The following PACRG variants were observed in gnomAD, a reference collection of about 807,000 sequenced individuals.
PACRG encodes parkin coregulated gene protein.
Under a neutral mutation model 29.7 loss-of-function variants are expected in PACRG, and 29 were observed. That is an observed-to-expected ratio of 0.98 (90% confidence interval 0.73 to 1.33). The LOEUF is 1.33. Ranked by LOEUF, PACRG falls within the 40% of genes most tolerant of loss-of-function variation. The pLI, the probability that PACRG is intolerant of heterozygous loss-of-function variation, is 0.00. For synonymous variants in PACRG, 116 were observed against 118.7 expected, an observed-to-expected ratio of 0.98 and a Z score of 0.15; for missense variants, 279 against 316.2, an observed-to-expected ratio of 0.88 and a Z score of 0.89.
intron 4 of PACRG, chr6:163,310,661 C>G (rs1260198579): frequency 6.6e-6 from 1 of 152,220 alleles, no homozygotes; most frequent in Non-Finnish European, 1.5e-5. Context: ...CGATTTTTTC[C>G]TTTCTCCTGT....
intron 4 of PACRG, among the ~76,000 whole-genome samples, chr6:163,114,599 A>T (rs116956349): frequency 1.3e-5 from 2 of 152,208 alleles, no homozygotes; most frequent in Non-Finnish European, 2.9e-5. Flanking sequence ...AATAAGCCAG[A>T]CACAGAAAGA....
chr6:162,943,358 T>C (rs1447097173), intron 2 of PACRG, among the ~76,000 whole-genome samples: 2 of 152,164 alleles, frequency 1.3e-5, no homozygotes, highest in African/African-American at 4.8e-5. Flanking sequence ...CACCAGCCCT[T>C]GGCAGCACTC....
chr6:163,071,189 A>G (rs1420428067), intron 3 of PACRG, among the ~76,000 whole-genome samples: 1 of 152,132 alleles, frequency 6.6e-6, no homozygotes. Context: ...CTATAGACCA[A>G]ATGAATCTAG....
intron 2 of PACRG, among the ~76,000 whole-genome samples, chr6:162,858,531 G>A (rs994762764): frequency 7.9e-5 from 12 of 152,284 alleles, no homozygotes; most frequent in South Asian, 2.1e-4. Context: ...CACAAGGTTC[G>A]TGGCTGAGAA....
intron 2 of PACRG, among the ~76,000 whole-genome samples, chr6:162,850,128 C>T (rs1790734654): frequency 6.6e-6 from 1 of 152,300 alleles, no homozygotes; most frequent in South Asian, 2.1e-4. Context: ...CAGATAATAT[C>T]TTTAATCAAG....
At chr6:163,133,397 GGAAGA>G (rs1442090210) in intron 4 of PACRG, among the ~76,000 whole-genome samples, 1 of 152,012 alleles carries the variant, frequency 6.6e-6, no homozygotes, top group East Asian at 1.9e-4. Context: ...TGTTTATCAT[GGAAGA>G]GAAGAATAAT....
rs193187622 is a variant in PACRG, at chr6:163,144,664, G to T, written c.613+55256G>T. 2.6e-4 allele frequency among the ~76,000 whole-genome samples: 40 copies of T among 152,234 alleles called. No individual in the cohort carries two copies. In the East Asian group the frequency reaches 7.5e-3, roughly 29 times the overall value. ...CATGCCTGTAATCCCAGCTACTCAGGAGGCTGAGGCATGAGAATCACTTGA... is the reference window on the plus strand; with the variant it reads ...CATGCCTGTAATCCCAGCTACTCAGTAGGCTGAGGCATGAGAATCACTTGA... On this transcript the variant is annotated intron_variant, in intron 4 of 4. Transcript: ENST00000366888.
At chr6:163,254,054 C>T (rs1394186713) in intron 4 of PACRG, among the ~76,000 whole-genome samples, 1 of 152,214 alleles carries the variant, frequency 6.6e-6, no homozygotes, top group Non-Finnish European at 1.5e-5. Context: ...GGGCCAGCCA[C>T]TTCTCCTGCT....
chr6:163,125,399 C>A (rs2128326890), intron 4 of PACRG, among the ~76,000 whole-genome samples: 1 of 152,298 alleles, frequency 6.6e-6, no homozygotes, highest in East Asian at 1.9e-4. Context: ...ATTGATGGGT[C>A]TGACTATATA....
intron 2 of PACRG, among the ~76,000 whole-genome samples, chr6:162,996,207 GA>G (rs1396666308): frequency 6.6e-6 from 1 of 152,092 alleles, no homozygotes. Context: ...TTATTAGGTT[GA>G]TTGTGGTGAT....
intron 2 of PACRG, among the ~76,000 whole-genome samples, chr6:162,974,800 A>T (rs548531116): frequency 1.3e-5 from 2 of 152,352 alleles, no homozygotes; most frequent in South Asian, 2.1e-4. Flanking sequence ...TGAATCATAG[A>T]AAGATTCGTC....
intron 4 of PACRG, among the ~76,000 whole-genome samples, chr6:163,241,757 A>G (rs1043571783): frequency 2.6e-5 from 4 of 152,212 alleles, no homozygotes; most frequent in Non-Finnish European, 5.9e-5. Context: ...GTTGAGAACC[A>G]TGAAGCGGGT....
At chr6:163,149,460 C>T (rs1237479594) in intron 4 of PACRG, among the ~76,000 whole-genome samples, 1 of 152,198 alleles carries the variant, frequency 6.6e-6, no homozygotes, top group Non-Finnish European at 1.5e-5. Flanking sequence ...GAGAACACGG[C>T]CTTGTGATGA....
At chr6:163,268,860 G>T (rs1313754955) in intron 4 of PACRG, among the ~76,000 whole-genome samples, 1 of 152,140 alleles carries the variant, frequency 6.6e-6, no homozygotes, top group Non-Finnish European at 1.5e-5. Context: ...CATGGACCCC[G>T]TGTGCTGCTG....
intron 1 of PACRG, among the ~76,000 whole-genome samples, chr6:162,800,963 A>G (rs2128340139): frequency 6.6e-6 from 1 of 152,284 alleles, no homozygotes; most frequent in South Asian, 2.1e-4. Context: ...CACACCTGGC[A>G]GTTCCTCCAC....
chr6:162,883,154 G>GT (rs529837286), intron 2 of PACRG, among the ~76,000 whole-genome samples: 145 of 146,044 alleles, frequency 9.9e-4, no homozygotes, highest in Admixed American at 2.3e-3. Context: ...TCACTACCAG[G>GT]TTTTTTTTTT....
chr6:163,010,662 C>A (rs574561492), intron 2 of PACRG, among the ~76,000 whole-genome samples: 1 of 152,308 alleles, frequency 6.6e-6, no homozygotes, highest in South Asian at 2.1e-4. Context: ...AAGTGTGGGT[C>A]TCTGGGAGCT....
intron 4 of PACRG, among the ~76,000 whole-genome samples, chr6:163,298,954 C>T (rs574094666): frequency 1.2e-4 from 19 of 152,280 alleles, no homozygotes; most frequent in Non-Finnish European, 2.5e-4. Flanking sequence ...TGTAGTGGCC[C>T]CCCAAGTCCA....
In PACRG at chr6:163,189,695, C is replaced by T. The variant is rs577560038; in HGVS notation, c.613+100287C>T. ...CAAATTAATTCCATTTAGGTTTCTT[C>T]GGGAAGAGATACAAATGAGTTTTGT... On this transcript the variant is annotated intron_variant, in intron 4 of 4. Transcript: ENST00000366888. 2.5e-3 allele frequency: 377 copies of T among 152,288 alleles called. 1 individual carries two copies. Among genetic ancestry groups the T allele is most frequent in the African/African-American group, 8.7e-3 (361 of 41,558 alleles). 9.4% of individuals were successfully genotyped at this position (152,288 alleles called of 1,614,324 possible).
Sources: allele counts gnomAD v4.1 joint callset (sites outside exome capture counted in the v4.1 genomes callset), GRCh38; gene constraint gnomAD v4.1.1; transcripts MANE v1.5; gene names NCBI Gene and HGNC (gene_info 2026-07-23, HGNC 2026-07-21).